The following GALNT17 variants were observed in gnomAD, a reference collection of about 807,000 sequenced individuals.
The protein encoded by GALNT17 is polypeptide N-acetylgalactosaminyltransferase 17, also known as UDP-GalNAc:polypeptide N-acetylgalactosaminyltransferase-like 3.
In GALNT17, 29 loss-of-function variants were observed where a neutral mutation model predicts 63.7. The ratio of observed to expected loss-of-function variants is 0.46; its 90% CI spans 0.34 to 0.62. The LOEUF (loss-of-function observed/expected upper bound fraction) is 0.62, where lower values mean the gene tolerates loss of function less well. Ranked by LOEUF, GALNT17 falls within the 20% of genes least tolerant of loss-of-function variation. The pLI, the probability that GALNT17 is intolerant of heterozygous loss-of-function variation, is 0.01. For synonymous variants in GALNT17, 305 were observed against 318.3 expected (o/e 0.96, Z 0.45); for missense variants, 603 against 799.6 (o/e 0.75, Z 2.97).
chr7:71,615,061 G>A (rs1342689847), intron 6 of GALNT17, among the ~76,000 whole-genome samples: 1 of 152,162 alleles, frequency 6.6e-6, no homozygotes, highest in Non-Finnish European at 1.5e-5. Flanking sequence ...TTCAAGACCA[G>A]CGTGATTGGC....
At chr7:71,174,096 C>T (rs17520411) in intron 1 of GALNT17, among the ~76,000 whole-genome samples, 3,391 of 152,190 alleles carry the variant, frequency 0.022, 44 homozygotes, top group Middle Eastern at 0.041. Context: ...TTGACAAGGA[C>T]GGGTAAAGCC....
intron 1 of GALNT17, among the ~76,000 whole-genome samples, chr7:71,165,390 C>T (rs1182952343): frequency 1.3e-5 from 2 of 152,200 alleles, no homozygotes; most frequent in African/African-American, 4.8e-5. Context: ...GTTTAATGGA[C>T]TCATAGTTCC....
At chr7:71,440,531 T>C (rs1436777477) in intron 5 of GALNT17, among the ~76,000 whole-genome samples, 1 of 151,952 alleles carries the variant, frequency 6.6e-6, no homozygotes, top group Non-Finnish European at 1.5e-5. Context: ...TGTGCCACCA[T>C]GCGCGGTTAA....
At chr7:71,617,349 C>T (rs28804182) in intron 6 of GALNT17, among the ~76,000 whole-genome samples, 63,901 of 141,890 alleles carry the variant, frequency 0.45, 16,227 homozygotes, top group East Asian at 0.77. Context: ...TTTTTTGAGA[C>T]GGAGTCTCTG....
intron 3 of GALNT17, among the ~76,000 whole-genome samples, chr7:71,407,048 A>G (rs1026918894): frequency 3.3e-5 from 5 of 152,244 alleles, no homozygotes; most frequent in Admixed American, 6.5e-5. Context: ...GATCTCTGTC[A>G]TAAATCCCTA....
chr7:71,580,413 A>AT (rs759424134), intron 6 of GALNT17, among the ~76,000 whole-genome samples: 1 of 146,826 alleles, frequency 6.8e-6, no homozygotes, highest in African/African-American at 2.4e-5. Flanking sequence ...AGATAGATAG[A>AT]TAGATAGATA....
intron 9 of GALNT17, among the ~76,000 whole-genome samples, chr7:71,690,267 A>T (rs4719169): frequency 6.6e-6 from 1 of 151,620 alleles, no homozygotes; most frequent in East Asian, 2.0e-4. Context: ...TTCAAGATCC[A>T]CCCTTCTTGG....
chr7:71,557,030 G>A (rs1264767566), intron 5 of GALNT17, among the ~76,000 whole-genome samples: 2 of 151,006 alleles, frequency 1.3e-5, no homozygotes, highest in Non-Finnish European at 2.9e-5. Flanking sequence ...GGGATTACAG[G>A]TGCACACCAC....
rs561064873 is a variant in GALNT17, at chr7:71,311,851, G to A, written c.239-23699G>A. ...GATTGCTGAGATGCAAGGAACATTAGCCTAGCATATTGCTCATCTTTCCAC... is the reference window on the plus strand; with the variant it reads ...GATTGCTGAGATGCAAGGAACATTAACCTAGCATATTGCTCATCTTTCCAC... On this transcript the variant is annotated intron_variant, in intron 1 of 10. Transcript: ENST00000333538. Among the ~76,000 whole-genome samples, 11 of 152,292 alleles carry A rather than the reference G, an allele frequency of 7.2e-5. 1 individual carries two copies. The South Asian group carries it at 2.3e-3, about 32-fold the overall frequency.
At chr7:71,537,387 G>T (rs1383070588) in intron 5 of GALNT17, among the ~76,000 whole-genome samples, 1 of 152,124 alleles carries the variant, frequency 6.6e-6, no homozygotes, top group Non-Finnish European at 1.5e-5. Context: ...GAAAGAGGAG[G>T]GCTTCGCAGA....
chr7:71,647,598 GTT>G, intron 6 of GALNT17, among the ~76,000 whole-genome samples: 1 of 152,172 alleles, frequency 6.6e-6, no homozygotes, highest in Admixed American at 6.5e-5. Flanking sequence ...CCATGGCTCT[GTT>G]TTCTGCAAGC....
intron 9 of GALNT17, among the ~76,000 whole-genome samples, chr7:71,692,737 A>T (rs998739300): frequency 3.4e-5 from 5 of 147,218 alleles, no homozygotes; most frequent in African/African-American, 1.2e-4. Flanking sequence ...TTTTTATTCT[A>T]TTTTTTTTTT....
At chr7:71,252,200 T>G (rs1790210535) in intron 1 of GALNT17, among the ~76,000 whole-genome samples, 1 of 149,496 alleles carries the variant, frequency 6.7e-6, no homozygotes. Context: ...CTTGCAACCT[T>G]TTATCTGCGA....
At chr7:71,315,265 A>G (rs1057077853) in intron 1 of GALNT17, among the ~76,000 whole-genome samples, 23 of 152,172 alleles carry the variant, frequency 1.5e-4, no homozygotes, top group South Asian at 2.1e-4. Flanking sequence ...TTGTTTATCT[A>G]TCCAACAGCT....
chr7:71,575,809 A>G (rs1177501404), intron 6 of GALNT17, among the ~76,000 whole-genome samples: 1 of 152,210 alleles, frequency 6.6e-6, no homozygotes, highest in East Asian at 1.9e-4. Flanking sequence ...ACACAAGAAT[A>G]GAAAGTCTTA....
intron 1 of GALNT17, among the ~76,000 whole-genome samples, chr7:71,207,158 T>G (rs989547443): frequency 2.0e-5 from 3 of 152,154 alleles, no homozygotes; most frequent in Non-Finnish European, 4.4e-5. Flanking sequence ...CCTCACTTTT[T>G]GCTTTTTCTT....
At chr7:71,488,894 T>TTC (rs1787958889) in intron 5 of GALNT17, among the ~76,000 whole-genome samples, 1 of 126,516 alleles carries the variant, frequency 7.9e-6, no homozygotes, top group South Asian at 2.9e-4. Flanking sequence ...GTTTCCTTTT[T>TTC]TTTTTTTTTT....
In GALNT17 at chr7:71,562,180, T is replaced by C. The variant is rs137990975; in HGVS notation, c.963-9105T>C. On this transcript the variant is annotated intron_variant, in intron 5 of 10. Coordinates refer to ENST00000333538, the MANE Select transcript of GALNT17 (RefSeq NM_022479.3). Reference sequence around the variant, plus strand: ...TAGTCTCACTATGCTGCCCGGTCTGTTCTCAAACTCCTGGACTCAAGCAAT... The same window carrying C: ...TAGTCTCACTATGCTGCCCGGTCTGCTCTCAAACTCCTGGACTCAAGCAAT... Among the ~76,000 whole-genome samples, 28 of 152,186 alleles carry C rather than the reference T, an allele frequency of 1.8e-4. No homozygotes were observed. The East Asian group carries it at 4.8e-3, about 26-fold the overall frequency.
chr7:71,498,853 A>G (rs565589521), intron 5 of GALNT17, among the ~76,000 whole-genome samples: 15 of 152,344 alleles, frequency 9.8e-5, no homozygotes, highest in African/African-American at 3.6e-4. Context: ...GATGACATTT[A>G]AGGTCCTTCC....
Sources: gnomAD v4.1 joint callset for allele counts (sites outside exome capture counted in the v4.1 genomes callset) on GRCh38, gnomAD v4.1.1 for gene constraint, MANE v1.5 for transcripts, NCBI Gene and HGNC (gene_info 2026-07-23, HGNC 2026-07-21) for gene names.